RTEL1: variants seen among roughly 807,000 people sequenced by gnomAD.
RTEL1 encodes the protein regulator of telomere length.
A neutral mutation model predicts 162.2 loss-of-function variants in RTEL1; 86 were observed. The ratio of observed to expected loss-of-function variants is 0.53; its 90% CI spans 0.45 to 0.63. The LOEUF (loss-of-function observed/expected upper bound fraction) is 0.63. Ranked by LOEUF, RTEL1 falls within the 30% of genes least tolerant of loss-of-function variation. The pLI is 0.00. For missense variants in RTEL1, 1,941 were observed against 1,750.2 expected (o/e 1.11, Z -1.95); for synonymous variants, 958 against 717.9 (o/e 1.33, Z -5.35).
At chr20:63,685,121 C>T (rs1010776517) in intron 14 of RTEL1, among the ~76,000 whole-genome samples, 2 of 148,650 alleles carry the variant, frequency 1.3e-5, no homozygotes, top group South Asian at 2.1e-4. Context: ...CTCCTGGGTT[C>T]GGGCAGTTTG....
chr20:63,690,364 C>T lies in RTEL1; in HGVS notation c.2336C>T (p.Ser779Leu), dbSNP rs761805038. 8 of 1,611,712 alleles carry T rather than the reference C, an allele frequency of 5.0e-6. No homozygotes were observed. Among genetic ancestry groups the T allele is most frequent in the East Asian group, 2.2e-5 (1 of 44,886 alleles). Reference sequence around the variant, plus strand: ...GAAGATGCTGTCAGCGAGGCCAAGTCGCCTGGCCCCTTCTTCTCCACCAGG... The same window carrying T: ...GAAGATGCTGTCAGCGAGGCCAAGTTGCCTGGCCCCTTCTTCTCCACCAGG... Reference protein sequence around the residue: ...RGEDAVSEAKSPGPFFSTRKA... With the variant: ...RGEDAVSEAKLPGPFFSTRKA... The change falls in exon 26 of 35, where the codon TCG becomes TTG. Residue 779 changes from serine (S) to leucine (L), a missense_variant. By Grantham distance (145) the Ser-to-Leu change is moderately radical. Transcript: ENST00000360203.
In RTEL1 at chr20:63,695,349, C is replaced by T. The variant is rs201992738; in HGVS notation, c.3521C>T (p.Thr1174Ile). Residue 1174 changes from threonine (T) to isoleucine (I), a missense_variant, in exon 34 of 35, where the codon ACC becomes ATC. Transcript: ENST00000360203. ...PQPGPSRSEKTGKTQSKISSF... is the reference protein window; with the variant it reads ...PQPGPSRSEKIGKTQSKISSF... ...CCAGGCCCCTCACGGTCCGAGAAGA[C>T]CGGGAAGACCCAGAGCAAGATCTCG... The T allele has an allele frequency of 1.7e-5, 27 of 1,550,518 alleles. No individual in the cohort carries two copies. The highest frequency in any genetic ancestry group is 5.7e-5 in the Admixed American group (3 of 52,624).
intron 29 of RTEL1, 40 bp downstream of exon 29, chr20:63,693,043 G>A: frequency 1.2e-6 from 2 of 1,610,250 alleles, no homozygotes; most frequent in Non-Finnish European, 8.5e-7. Flanking sequence ...TGAGGGCAGT[G>A]CTGCCGCCGC....
At chr20:63,693,459 A>ACCC (rs2090833064) in intron 30 of RTEL1, among the ~76,000 whole-genome samples, 176 bp downstream of exon 30, 1 of 18,322 alleles carries the variant, frequency 5.5e-5, no homozygotes, top group Non-Finnish European at 1.1e-4. Flanking sequence ...CACCACCTCC[A>ACCC]CCTCCACCTC....
intron 16 of RTEL1, 80 bp from the exon 17 acceptor site, chr20:63,687,558 G>A: frequency 7.0e-7 from 1 of 1,437,614 alleles, no homozygotes; most frequent in Non-Finnish European, 9.3e-7. Flanking sequence ...GGTGGAGAGG[G>A]TGATGGGCAG....
intron 14 of RTEL1, among the ~76,000 whole-genome samples, chr20:63,685,037 C>G (rs1174565856): frequency 6.6e-6 from 1 of 151,386 alleles, no homozygotes; most frequent in Non-Finnish European, 1.5e-5. Flanking sequence ...GCCACCATGC[C>G]CGGCTAGGTT....
At position 63,685,605 on chromosome 20, in the gene RTEL1, C is replaced by T. The variant is rs199784361; in HGVS notation, c.1266+8C>T. ...GCCTTACAGTCCTATAAGGTAGGGG[C>T]CACCTCCAGGAGGCAGGTGGAGGGC... On this transcript the variant is annotated splice_region_variant and intron_variant, in intron 15 of 34. Transcript: ENST00000360203. The T allele has an allele frequency of 2.5e-6, 4 of 1,609,042 alleles. No individual in the cohort carries two copies. The highest frequency in any genetic ancestry group is 1.7e-4 in the Middle Eastern group (1 of 6,020).
chr20:63,665,939 C>T, intron 6 of RTEL1, 65 bp from the exon 7 acceptor site: 4 of 1,486,106 alleles, frequency 2.7e-6, no homozygotes, highest in Non-Finnish European at 3.7e-6. Context: ...TCCTGGGCAT[C>T]CCCCTGTGGT....
Position 63,679,845 on chromosome 20 carries a change from G to A in RTEL1, c.1038-4G>A. The A allele has an allele frequency of 6.2e-7, 1 of 1,609,008 alleles. No homozygotes were observed. The highest frequency in any genetic ancestry group is 8.5e-7 in the Non-Finnish European group (1 of 1,179,480). Reference sequence around the variant, plus strand: ...GCTCGAGCCTGCCTTCTTCTCCTCGGCAGCTACATCTTTGAGCTGTTTGCT... The same window carrying A: ...GCTCGAGCCTGCCTTCTTCTCCTCGACAGCTACATCTTTGAGCTGTTTGCT... On this transcript the variant is annotated splice_region_variant and splice_polypyrimidine_tract_variant and intron_variant, in intron 12 of 34. Coordinates refer to ENST00000360203, the MANE Select transcript of RTEL1 (RefSeq NM_001283009.2).
At chr20:63,688,888 CGTG>C (rs1192220131) in intron 21 of RTEL1, 164 bp from the exon 22 acceptor site, 5 of 725,944 alleles carry the variant, frequency 6.9e-6, no homozygotes, top group Non-Finnish European at 1.2e-5. Flanking sequence ...ACTGAGCAGG[CGTG>C]GGGTCAGCCT....
rs1431888088 is a variant in RTEL1 at position 63,695,106 on chromosome 20, C to G, written c.3384C>G (p.Phe1128Leu). Residue 1128 changes from phenylalanine (F) to leucine (L), a missense_variant, in exon 33 of 35, where the codon TTC (phenylalanine) becomes TTG (leucine). Physicochemically the swap from Phe to Leu is conservative, Grantham distance 22. Transcript: ENST00000360203. Reference sequence around the variant, plus strand: ...TGCGTCCACACCACAAGCAGCGCTTCTCACAGACGTGCACAGACCTGACCG... The same window carrying G: ...TGCGTCCACACCACAAGCAGCGCTTGTCACAGACGTGCACAGACCTGACCG... The part of the protein sequence containing the change: ...MFVRPHHKQR[F>L]SQTCTDLTGR... The G allele has an allele frequency of 6.2e-7, 1 of 1,612,454 alleles. No individual in the cohort carries two copies. Among genetic ancestry groups the G allele is most frequent in the South Asian group, 1.1e-5 (1 of 91,090 alleles).
chr20:63,678,220 G>T (rs752301737), intron 11 of RTEL1, 37 bp downstream of exon 11: 1 of 1,613,346 alleles, frequency 6.2e-7, no homozygotes. Flanking sequence ...GCAGCTGGGT[G>T]GGGCCTCCTC....
At chr20:63,659,210 CAG>C (rs907841975) in intron 1 of RTEL1, 21 bp from the exon 2 acceptor site, 5 of 601,840 alleles carry the variant, frequency 8.3e-6, no homozygotes, top group African/African-American at 5.5e-5. Context: ...TGTCTACAAA[CAG>C]AGTCTTACTG....
At chr20:63,682,034 C>G in intron 14 of RTEL1, 2 of 985,452 alleles carry the variant, frequency 2.0e-6, no homozygotes, top group South Asian at 9.4e-5. Flanking sequence ...CAGCACATGG[C>G]CAGGCGAGGT....
intron 27 of RTEL1, among the ~76,000 whole-genome samples, chr20:63,691,298 G>T (rs1371542456): frequency 6.6e-6 from 1 of 152,204 alleles, no homozygotes. Context: ...TGTGCTGCGG[G>T]TGGAACCCAG....
At position 63,688,324 on chromosome 20, in the gene RTEL1, T is replaced by C. The variant is rs780025964; in HGVS notation, c.1660T>C (p.Tyr554His). 2.5e-6 allele frequency: 4 copies of C among 1,612,548 alleles called. No individual in the cohort carries two copies. The highest frequency in any genetic ancestry group is 3.4e-6 in the Non-Finnish European group (4 of 1,179,964). Residue 554 changes from tyrosine (Y) to histidine (H), a missense_variant, in exon 20 of 35, where the codon TAT (tyrosine) becomes CAT (histidine). Transcript: ENST00000360203. Reference sequence around the variant, plus strand: ...AGGCAACATCGCCCGCGTGGTGCCCTATGGGCTCCTGATCTTCTTCCCTTC... The same window carrying C: ...AGGCAACATCGCCCGCGTGGTGCCCCATGGGCTCCTGATCTTCTTCCCTTC... ...ALGNIARVVPYGLLIFFPSYP... is the reference protein window; with the variant it reads ...ALGNIARVVPHGLLIFFPSYP...
At chr20:63,692,177 A>G in intron 28 of RTEL1, 1 of 251,522 alleles carries the variant, frequency 4.0e-6, no homozygotes, top group Non-Finnish European at 7.7e-6. Flanking sequence ...CAAAGAACGG[A>G]GTTATAGCCG....
At position 63,693,261 on chromosome 20, in the gene RTEL1, A is replaced by C. The variant is rs930148195; in HGVS notation, c.2970A>C (p.Ala990=). The C allele has an allele frequency of 5.0e-6, 8 of 1,611,916 alleles. No homozygotes were observed. The highest frequency in any genetic ancestry group is 6.8e-6 in the Non-Finnish European group (8 of 1,179,432). ...ACAGCATTCCCCGAAGGCAGCGGGC[A>C]CAGCCGGTCCTGGACCCCACTGGTA... is the stretch of plus-strand genomic sequence containing the variant. The part of the protein sequence containing the change: ...PEHSIPRRQR[A]QPVLDPTGRT... The change falls in exon 30 of 35, where the codon GCA becomes GCC. Residue 990 remains alanine (A), a synonymous_variant. Coordinates refer to ENST00000360203, the MANE Select transcript of RTEL1 (RefSeq NM_001283009.2).
intron 28 of RTEL1, 74 bp from the exon 29 acceptor site, chr20:63,692,731 A>C: frequency 7.0e-7 from 1 of 1,433,596 alleles, no homozygotes; most frequent in Non-Finnish European, 9.7e-7. Flanking sequence ...TCAATGTTCC[A>C]AGGAAGGCTC....
Sources: gnomAD v4.1 joint callset for allele counts (sites outside exome capture counted in the v4.1 genomes callset) on GRCh38, gnomAD v4.1.1 for gene constraint, MANE v1.5 for transcripts, NCBI Gene and HGNC (gene_info 2026-07-23, HGNC 2026-07-21) for gene names.